KLHL4: variants seen among roughly 807,000 people sequenced by gnomAD.
KLHL4 encodes kelch-like protein 4.
KLHL4 carries 17 observed loss-of-function variants against 45.8 expected under a neutral mutation model. The observed-to-expected ratio is 0.37, with a 90% CI of 0.25 to 0.56. The LOEUF is 0.56. KLHL4 is among the 20% of genes least tolerant of loss of function. KLHL4 has a pLI of 0.79. For missense variants in KLHL4, 544 were observed against 544.9 expected (o/e 1.00, Z 0.02); for synonymous variants, 224 against 189.9 (o/e 1.18, Z -1.47).
intron 1 of KLHL4, among the ~76,000 whole-genome samples, chrX:87,569,056 CAT>C (rs908960250): frequency 1.7e-4 from 19 of 111,036 alleles, no homozygotes; most frequent in African/African-American, 5.2e-4. Flanking sequence ...GGGGGAAAAA[CAT>C]GTGCAAATCA....
chrX:87,625,587 T>C (rs1476671367), intron 5 of KLHL4, 23 bp from the exon 6 acceptor site: 23 of 1,154,266 alleles, frequency 2.0e-5, no homozygotes, highest in Non-Finnish European at 2.7e-5. Flanking sequence ...TCCATTCATA[T>C]ACCATGCATC....
chrX:87,526,902 T>C (rs750724539), intron 1 of KLHL4, among the ~76,000 whole-genome samples: 2 of 111,540 alleles, frequency 1.8e-5, no homozygotes, highest in Non-Finnish European at 3.8e-5. Context: ...CTAAAATATA[T>C]TGTGTGTGTG....
chrX:87,662,429 C>G, intron 9 of KLHL4, among the ~76,000 whole-genome samples: 1 of 111,893 alleles, frequency 8.9e-6, no homozygotes, highest in Non-Finnish European at 1.9e-5. Flanking sequence ...GAAATAATTT[C>G]TCAATAGATG....
chrX:87,531,395 T>G (rs953370100), intron 1 of KLHL4, among the ~76,000 whole-genome samples: 4 of 111,544 alleles, frequency 3.6e-5, no homozygotes, highest in Non-Finnish European at 7.5e-5. Context: ...TTTGTATGGT[T>G]TTAGGTCTAA....
At chrX:87,565,733 C>G (rs79093400) in intron 1 of KLHL4, among the ~76,000 whole-genome samples, 21,189 of 91,096 alleles carry the variant, frequency 0.23, 2,716 homozygotes, top group East Asian at 0.51. Flanking sequence ...TTAGGGGACA[C>G]TACTGCTGAT....
chrX:87,537,781 A>G (rs1005541144), intron 1 of KLHL4, among the ~76,000 whole-genome samples: 1 of 111,275 alleles, frequency 9.0e-6, no homozygotes, highest in Non-Finnish European at 1.9e-5. Context: ...AACTAAGATC[A>G]CAATATCCCA....
intron 1 of KLHL4, among the ~76,000 whole-genome samples, chrX:87,599,553 C>T (rs935980319): frequency 1.8e-5 from 2 of 110,242 alleles, no homozygotes; most frequent in Non-Finnish European, 3.8e-5. Context: ...CATTCATAGA[C>T]CCTAAATATT....
In KLHL4 at chrX:87,635,047, G is replaced by A. The variant is rs1014959805; in HGVS notation, c.1713-516G>A. Among the ~76,000 whole-genome samples the A allele has an allele frequency of 1.2e-3, 132 of 111,704 alleles. 1 individual carries two copies. Among genetic ancestry groups the A allele is most frequent in the African/African-American group, 4.0e-3 (124 of 30,787 alleles). On this transcript the variant is annotated intron_variant, in intron 8 of 10. Coordinates refer to ENST00000373119, the MANE Select transcript of KLHL4 (RefSeq NM_019117.5). ...AAATGTCATAGCCAATATCACTTAC[G>A]AGGGAAAAAAATCTAGTTTCTAGGT...
At chrX:87,594,016 A>G (rs934472317) in intron 1 of KLHL4, among the ~76,000 whole-genome samples, 1 of 111,925 alleles carries the variant, frequency 8.9e-6, no homozygotes, top group African/African-American at 3.2e-5. Flanking sequence ...AATGCCTATT[A>G]AGTGAATTGC....
At position 87,622,326 on chromosome X, in the gene KLHL4, A is replaced by G; in HGVS notation, c.1040A>G (p.His347Arg). The G allele has an allele frequency of 8.3e-7, 1 of 1,208,272 alleles. No individual in the cohort carries two copies. The highest frequency in any genetic ancestry group is 1.1e-6 in the Non-Finnish European group (1 of 892,680). Residue 347 changes from histidine (H) to arginine (R), a missense_variant, in exon 5 of 11, where the codon CAT (histidine) becomes CGT (arginine). His to Arg is a conservative substitution (Grantham distance 29). Coordinates refer to ENST00000373119, the MANE Select transcript of KLHL4 (RefSeq NM_019117.5). ...GTGCCTGATGAAGAGACCATTTTTC[A>G]TGCTCTAATGCAGTGGGTGGGGCAT... ...INVPDEETIF[H>R]ALMQWVGHDV...
intron 1 of KLHL4, among the ~76,000 whole-genome samples, chrX:87,555,420 G>A (rs188138366): frequency 2.7e-5 from 3 of 111,167 alleles, no homozygotes; most frequent in Non-Finnish European, 5.7e-5. Context: ...TATTCAGAGA[G>A]TCAACTTCTT....
At chrX:87,622,732 C>T (rs1391530557) in intron 5 of KLHL4, among the ~76,000 whole-genome samples, 2 of 108,655 alleles carry the variant, frequency 1.8e-5, no homozygotes, top group Non-Finnish European at 3.8e-5. Context: ...TTTTCCTGCA[C>T]AACTTCTAGG....
At chrX:87,628,800 A>G (rs773207865) in intron 6 of KLHL4, among the ~76,000 whole-genome samples, 1 of 111,938 alleles carries the variant, frequency 8.9e-6, no homozygotes, top group Non-Finnish European at 1.9e-5. Context: ...TCTGACTCAT[A>G]TAACAAGCTC....
chrX:87,586,310 G>A (rs2147797617), intron 1 of KLHL4, among the ~76,000 whole-genome samples: 1 of 110,953 alleles, frequency 9.0e-6, no homozygotes, highest in South Asian at 3.8e-4. Context: ...TCATCCAAGA[G>A]CTTCAGAATA....
rs1437985768 is a variant in KLHL4, at chrX:87,523,655, T to C, written c.422+5340T>C. Reference sequence around the variant, plus strand: ...AAACACCCATGAGTCCATACTGATATAAATAGATGACTGAGTAAATGAGAA... The same window carrying C: ...AAACACCCATGAGTCCATACTGATACAAATAGATGACTGAGTAAATGAGAA... On this transcript the variant is annotated intron_variant, in intron 1 of 10. Coordinates refer to ENST00000373119, the MANE Select transcript of KLHL4 (RefSeq NM_019117.5). Among the ~76,000 whole-genome samples, 4 of 111,549 alleles carry C rather than the reference T, an allele frequency of 3.6e-5. No homozygotes were observed. The East Asian group carries it at 8.5e-4, about 24-fold the overall frequency.
At chrX:87,573,767 C>T (rs960684957) in intron 1 of KLHL4, among the ~76,000 whole-genome samples, 2 of 111,574 alleles carry the variant, frequency 1.8e-5, no homozygotes, top group African/African-American at 6.5e-5. Flanking sequence ...GATTTGAATA[C>T]ATACTTGGCT....
At chrX:87,618,625 C>G (rs1042115357) in intron 4 of KLHL4, among the ~76,000 whole-genome samples, 1 of 111,132 alleles carries the variant, frequency 9.0e-6, no homozygotes, top group Non-Finnish European at 1.9e-5. Flanking sequence ...CTCAGCATCC[C>G]GAGTAGCTGG....
At chrX:87,563,778 C>T (rs1252346201) in intron 1 of KLHL4, among the ~76,000 whole-genome samples, 1 of 110,290 alleles carries the variant, frequency 9.1e-6, no homozygotes, top group African/African-American at 3.3e-5. Flanking sequence ...TATAGAACAC[C>T]AAGCAGATCT....
chrX:87,586,704 T>C (rs1177288506), intron 1 of KLHL4, among the ~76,000 whole-genome samples: 1 of 110,684 alleles, frequency 9.0e-6, no homozygotes, highest in Non-Finnish European at 1.9e-5. Context: ...AATCTAACAA[T>C]GTGTCTTAAA....
Sources: gnomAD v4.1 joint callset for allele counts (sites outside exome capture counted in the v4.1 genomes callset) on GRCh38, gnomAD v4.1.1 for gene constraint, MANE v1.5 for transcripts, NCBI Gene and HGNC (gene_info 2026-07-23, HGNC 2026-07-21) for gene names.